Variants in ATRNL1 observed in about 807,000 individuals in gnomAD.
ATRNL1 encodes attractin like 1.
Under a neutral mutation model 182.7 loss-of-function variants are expected in ATRNL1, and 95 were observed. The observed-to-expected ratio is 0.52, with a 90% confidence interval of 0.44 to 0.62. The LOEUF (loss-of-function observed/expected upper bound fraction) is 0.62, where lower values mean the gene tolerates loss of function less well. Among genes scored for constraint, ATRNL1 ranks in the 20% least tolerant of loss-of-function variants. ATRNL1 has a pLI of 0.00. For synonymous variants in ATRNL1, 576 were observed against 568.3 expected (o/e 1.01, Z -0.19); for missense variants, 1,471 against 1,679.5 (o/e 0.88, Z 2.17).
chr10:115,578,540 G>A (rs951619452), intron 26 of ATRNL1, among the ~76,000 whole-genome samples: 3 of 151,382 alleles, frequency 2.0e-5, no homozygotes, highest in Non-Finnish European at 3.0e-5. Flanking sequence ...GCATGTAATT[G>A]TTCATAATAT....
intron 26 of ATRNL1, among the ~76,000 whole-genome samples, chr10:115,685,041 C>T (rs1332153570): frequency 6.6e-6 from 1 of 151,704 alleles, no homozygotes. Context: ...CATTTCCAAT[C>T]ATAAATCCAT....
chr10:115,642,111 A>T (rs1859290726), intron 26 of ATRNL1, among the ~76,000 whole-genome samples: 1 of 152,128 alleles, frequency 6.6e-6, no homozygotes, highest in African/African-American at 2.4e-5. Context: ...ATCGTACAGC[A>T]TAATAACAAA....
At chr10:115,910,201 C>G (rs549048278) in intron 28 of ATRNL1, among the ~76,000 whole-genome samples, 1 of 152,306 alleles carries the variant, frequency 6.6e-6, no homozygotes, top group Non-Finnish European at 1.5e-5. Context: ...ACTAGACCCA[C>G]AGGAGTGAAA....
chr10:115,939,924 C>G (rs1555123790), intron 28 of ATRNL1, among the ~76,000 whole-genome samples: 2 of 152,100 alleles, frequency 1.3e-5, no homozygotes, highest in African/African-American at 4.8e-5. Context: ...TTCTAGGTTG[C>G]TTTTCTTTTA....
intron 28 of ATRNL1, among the ~76,000 whole-genome samples, chr10:115,853,880 C>T (rs978929853): frequency 1.3e-5 from 2 of 152,010 alleles, no homozygotes; most frequent in East Asian, 1.9e-4. Flanking sequence ...AATATGACTC[C>T]GTGTCAAAAA....
intron 10 of ATRNL1, among the ~76,000 whole-genome samples, chr10:115,244,706 T>A (rs1451288728): frequency 6.6e-6 from 1 of 152,222 alleles, no homozygotes; most frequent in East Asian, 1.9e-4. Flanking sequence ...TTGTTAGTGC[T>A]GTTATTATTA....
At chr10:115,387,322 T>C (rs1554952968) in intron 19 of ATRNL1, among the ~76,000 whole-genome samples, 1 of 152,210 alleles carries the variant, frequency 6.6e-6, no homozygotes. Context: ...CTATGCAAAC[T>C]TCTCGGCCTT....
chr10:115,672,499 G>T (rs553716448), intron 26 of ATRNL1, among the ~76,000 whole-genome samples: 15 of 152,146 alleles, frequency 9.9e-5, no homozygotes, highest in South Asian at 2.1e-4. Context: ...AAAAAAAGTG[G>T]AAAACATTTC....
Position 115,891,590 on chromosome 10 carries a change from C to G in ATRNL1, c.4018+43599C>G, listed in dbSNP as rs141555431. Among the ~76,000 whole-genome samples the G allele has an allele frequency of 2.0e-5, 3 of 152,202 alleles. No homozygotes were observed. The East Asian group carries it at 5.8e-4, about 29-fold the overall frequency. On this transcript the variant is annotated intron_variant, in intron 28 of 28. Coordinates refer to ENST00000355044, the MANE Select transcript of ATRNL1 (RefSeq NM_207303.4). ...ATCTTCTGTCAGTTACTCCTCTGTC[C>G]TGGATCTAGTCATTATACATTTATT... is the stretch of plus-strand genomic sequence containing the variant.
At chr10:115,299,301 T>C (rs1192780657) in intron 15 of ATRNL1, among the ~76,000 whole-genome samples, 1 of 152,014 alleles carries the variant, frequency 6.6e-6, no homozygotes, top group Non-Finnish European at 1.5e-5. Flanking sequence ...GTTATAAATA[T>C]GGTAAAGATT....
intron 24 of ATRNL1, among the ~76,000 whole-genome samples, chr10:115,473,045 A>T (rs1848377328): frequency 1.3e-5 from 2 of 151,316 alleles, no homozygotes; most frequent in African/African-American, 2.4e-5. Flanking sequence ...AGTTTTTATC[A>T]TGAAACAGTG....
chr10:115,407,516 A>C (rs577309554), intron 20 of ATRNL1, among the ~76,000 whole-genome samples: 3 of 151,810 alleles, frequency 2.0e-5, no homozygotes, highest in Non-Finnish European at 4.4e-5. Context: ...ATTTCACTTC[A>C]TGTAATGTCT....
intron 27 of ATRNL1, among the ~76,000 whole-genome samples, chr10:115,773,766 G>C (rs1270396671): frequency 6.6e-6 from 1 of 152,140 alleles, no homozygotes; most frequent in Non-Finnish European, 1.5e-5. Context: ...TTTCGTTACA[G>C]ATTACCTAAA....
chr10:115,641,996 T>C (rs1859276100), intron 26 of ATRNL1, among the ~76,000 whole-genome samples: 1 of 152,226 alleles, frequency 6.6e-6, no homozygotes, highest in Admixed American at 6.5e-5. Flanking sequence ...AACTATAATG[T>C]AAGCTGGCAC....
intron 19 of ATRNL1, among the ~76,000 whole-genome samples, chr10:115,352,824 T>C (rs1554941803): frequency 6.6e-6 from 1 of 152,054 alleles, no homozygotes; most frequent in South Asian, 2.1e-4. Flanking sequence ...CACTTAAACC[T>C]GGGAGGTGGA....
At chr10:115,920,499 A>C (rs1953018225) in intron 28 of ATRNL1, among the ~76,000 whole-genome samples, 1 of 152,174 alleles carries the variant, frequency 6.6e-6, no homozygotes, top group Non-Finnish European at 1.5e-5. Context: ...AGGGAATAAT[A>C]TAATTGTTTA....
intron 26 of ATRNL1, among the ~76,000 whole-genome samples, chr10:115,584,755 T>C (rs1273636276): frequency 4.6e-5 from 7 of 152,184 alleles, no homozygotes; most frequent in Admixed American, 3.9e-4. Context: ...TCCTTCAGTT[T>C]TGCTCTGACT....
intron 22 of ATRNL1, among the ~76,000 whole-genome samples, chr10:115,462,371 T>A (rs1847849223): frequency 6.6e-6 from 1 of 152,116 alleles, no homozygotes; most frequent in Non-Finnish European, 1.5e-5. Flanking sequence ...CCCAGCACTT[T>A]GGGAGGCCAA....
At chr10:115,736,400 CT>C (rs1170759963) in intron 27 of ATRNL1, among the ~76,000 whole-genome samples, 1 of 151,850 alleles carries the variant, frequency 6.6e-6, no homozygotes, top group African/African-American at 2.4e-5. Flanking sequence ...CTATTTGGTT[CT>C]TTTTTTAAAT....
Sources: allele counts gnomAD v4.1 joint callset (sites outside exome capture counted in the v4.1 genomes callset), GRCh38; gene constraint gnomAD v4.1.1; transcripts MANE v1.5; gene names NCBI Gene and HGNC (gene_info 2026-07-23, HGNC 2026-07-21).